Variants in CFAP298 observed in about 807,000 individuals in gnomAD.
CFAP298 encodes cilia- and flagella-associated protein 298.
In CFAP298, 38 loss-of-function variants were observed where a neutral mutation model predicts 41.0. That is an observed-to-expected ratio of 0.93 (90% CI 0.72 to 1.22). The LOEUF is 1.22. Ranked by LOEUF, CFAP298 falls within the 50% of genes most tolerant of loss-of-function variation. The pLI is 0.00. For missense variants in CFAP298, 348 were observed against 360.3 expected, an observed-to-expected ratio of 0.97 and a Z score of 0.28; for synonymous variants, 137 against 135.3, an observed-to-expected ratio of 1.01 and a Z score of -0.09.
At position 32,612,278 on chromosome 21, in the gene CFAP298, G is replaced by T. The variant is rs548174592; in HGVS notation, c.-35C>A. The T allele has an allele frequency of 3.5e-6, 5 of 1,421,590 alleles. No homozygotes were observed. Among genetic ancestry groups the T allele is most frequent in the Middle Eastern group, 2.1e-4 (1 of 4,804 alleles). 88.1% of individuals were successfully genotyped at this position (1,421,590 alleles called of 1,614,324 possible). ...GCCGAGGTACTGAGGCGTTGAGAAG[G>T]CCCCGGCTGCGTGGCCCGCGGGTCC... On this transcript the variant is annotated 5_prime_UTR_variant, in exon 1 of 7. Coordinates refer to ENST00000290155, the MANE Select transcript of CFAP298 (RefSeq NM_021254.4).
Position 32,601,800 on chromosome 21 carries a change from A to C in CFAP298, c.*63T>G. 1 of 837,652 alleles carries C rather than the reference A, an allele frequency of 1.2e-6. No homozygotes were observed. Among genetic ancestry groups the C allele is most frequent in the Non-Finnish European group, 1.9e-6 (1 of 515,106 alleles). 51.9% of individuals were successfully genotyped at this position (837,652 alleles called of 1,614,324 possible). On this transcript the variant is annotated 3_prime_UTR_variant, in exon 7 of 7. Transcript: ENST00000290155. ...GTAAGTGGCCTTTTTTTTTTTTTTA[A>C]ATTATAATTGCCTAGGAGAAAGGTG...
At position 32,601,288 on chromosome 21, in the gene CFAP298, C is replaced by CTTT. The variant is rs1158009254; in HGVS notation, c.*572_*574dup. Among the ~76,000 whole-genome samples the CTTT allele has an allele frequency of 1.3e-3, 123 of 92,278 alleles. No individual in the cohort carries two copies. Among genetic ancestry groups the CTTT allele is most frequent in the Non-Finnish European group, 1.5e-3 (74 of 49,296 alleles). The allele number at this position is 92,278 out of a possible 152,430, so 60.5% of individuals were successfully genotyped here. A position where few individuals can be genotyped will look rare whatever the true frequency, so the allele number is the denominator to read the frequency against. On this transcript the variant is annotated 3_prime_UTR_variant, in exon 7 of 7. Transcript: ENST00000290155. ...CAATCAGGAAGAAAAAAAAGTGTAG[C>CTTT]TTTTTTTTTTTTTTTTTTTTTTTTT... is the stretch of plus-strand genomic sequence containing the variant.
chr21:32,602,581 C>T lies in CFAP298; in HGVS notation c.667-214G>A, dbSNP rs766192360. The T allele has an allele frequency of 2.5e-5, 35 of 1,378,486 alleles. No individual in the cohort carries two copies. The South Asian group carries it at 4.4e-4, about 17-fold the overall frequency. 85.4% of individuals were successfully genotyped at this position (1,378,486 alleles called of 1,614,324 possible). A position where few individuals can be genotyped will look rare whatever the true frequency, so the allele number is the denominator to read the frequency against. The stretch of plus-strand genomic sequence containing the variant: ...CACTGTGTGGAGACCAGAGGCTGCA[C>T]GATACCATCTCTGTCTTGACCATTC... On this transcript the variant is annotated intron_variant, in intron 5 of 6. Coordinates refer to ENST00000290155, the MANE Select transcript of CFAP298 (RefSeq NM_021254.4).
Position 32,612,223 on chromosome 21 carries a change from C to G in CFAP298, c.21G>C (p.Lys7Asn), listed in dbSNP as rs998845412. The G allele has an allele frequency of 4.3e-5, 70 of 1,610,426 alleles. No homozygotes were observed. The highest frequency in any genetic ancestry group is 5.3e-5 in the Non-Finnish European group (63 of 1,179,078). Reference sequence around the variant, plus strand: ...GCAGGAACTGGCTCTCGTCGCCCCGCTTCACGTGCAGCAGAACCATGGCGG... The same window carrying G: ...GCAGGAACTGGCTCTCGTCGCCCCGGTTCACGTGCAGCAGAACCATGGCGG... MVLLHV[K>N]RGDESQFLLQ... The change falls in exon 1 of 7, where the codon AAG (lysine) becomes AAC (asparagine). Residue 7 changes from lysine (K) to asparagine (N), a missense_variant. Lys to Asn is a moderately conservative substitution (Grantham distance 94). Transcript: ENST00000290155.
chr21:32,599,738 C>T lies in CFAP298; in HGVS notation c.*2125G>A, dbSNP rs947949944. 1.3e-5 allele frequency among the ~76,000 whole-genome samples: 2 copies of T among 152,278 alleles called. No individual in the cohort carries two copies. The highest frequency in any genetic ancestry group is 2.1e-4 in the South Asian group (1 of 4,826). ...CACAGCACGGTGCCACAGCGGGCAC[C>T]ACCTGCCCCCCGCCGTCACAGATGG... On this transcript the variant is annotated 3_prime_UTR_variant, in exon 7 of 7. Coordinates refer to ENST00000290155, the MANE Select transcript of CFAP298 (RefSeq NM_021254.4).
chr21:32,602,276 A>G lies in CFAP298; in HGVS notation c.758T>C (p.Leu253Pro). Residue 253 changes from leucine (L) to proline (P), a missense_variant, in exon 6 of 7, where the codon CTC becomes CCC. Coordinates refer to ENST00000290155, the MANE Select transcript of CFAP298 (RefSeq NM_021254.4). ...MLYYHRRQEE[L>P]KRLEENDDDA... ...AGCCCATCTGTCCCCTGCTACCTTGAGCTCCTCTTGTCTTCTGTGATAGTA... is the reference window on the plus strand; with the variant it reads ...AGCCCATCTGTCCCCTGCTACCTTGGGCTCCTCTTGTCTTCTGTGATAGTA... 1 of 1,613,944 alleles carries G rather than the reference A, an allele frequency of 6.2e-7. No individual in the cohort carries two copies. Among genetic ancestry groups the G allele is most frequent in the South Asian group, 1.1e-5 (1 of 91,078 alleles).
chr21:32,608,883 G>A (rs1389925621), intron 2 of CFAP298, among the ~76,000 whole-genome samples: 2 of 152,046 alleles, frequency 1.3e-5, no homozygotes, highest in African/African-American at 2.4e-5. Context: ...ATGTATTTTT[G>A]AGCTGCTAAA....
intron 4 of CFAP298, among the ~76,000 whole-genome samples, chr21:32,603,559 A>C (rs2038801615): frequency 6.6e-6 from 1 of 152,238 alleles, no homozygotes; most frequent in Admixed American, 6.5e-5. Context: ...AGTTCGTCTT[A>C]GACAGATCTG....
At chr21:32,605,621 T>C (rs1000721543) in intron 3 of CFAP298, among the ~76,000 whole-genome samples, 2 of 152,210 alleles carry the variant, frequency 1.3e-5, no homozygotes, top group Non-Finnish European at 2.9e-5. Flanking sequence ...GGTGAAGACG[T>C]TGATGTGCCG....
chr21:32,604,545 C>G, intron 3 of CFAP298: 1 of 445,908 alleles, frequency 2.2e-6, no homozygotes, highest in Non-Finnish European at 4.1e-6. Context: ...GAGCCCAATG[C>G]TGGCAGCACA....
chr21:32,602,980 T>A (rs771877888), intron 5 of CFAP298, 181 bp downstream of exon 5: 8 of 1,026,308 alleles, frequency 7.8e-6, no homozygotes, highest in Non-Finnish European at 1.1e-5. Flanking sequence ...TGGTACTCAA[T>A]CCATATTTTC....
chr21:32,609,184 A>T (rs1283547320), intron 2 of CFAP298, among the ~76,000 whole-genome samples: 1 of 152,132 alleles, frequency 6.6e-6, no homozygotes, highest in Non-Finnish European at 1.5e-5. Context: ...AGATCCCCCA[A>T]CATTTGCGAA....
At position 32,603,304 on chromosome 21, in the gene CFAP298, CG is replaced by C. The variant is rs1568991958; in HGVS notation, c.535-13del. On this transcript the variant is annotated splice_polypyrimidine_tract_variant and intron_variant, in intron 4 of 6. Coordinates refer to ENST00000290155, the MANE Select transcript of CFAP298 (RefSeq NM_021254.4). ...ACGTTGAGCCCTGCCTGGGGCCAGT[CG>C]TAAGAATGGCTTGACTGTGTGTTCC... The C allele has an allele frequency of 2.5e-6, 4 of 1,613,760 alleles. No individual in the cohort carries two copies. The Admixed American group carries it at 6.7e-5, about 27-fold the overall frequency.
At position 32,600,159 on chromosome 21, in the gene CFAP298, T is replaced by C. The variant is rs551127209; in HGVS notation, c.*1704A>G. 4.6e-5 allele frequency among the ~76,000 whole-genome samples: 7 copies of C among 152,334 alleles called. No homozygotes were observed. Among genetic ancestry groups the C allele is most frequent in the Non-Finnish European group, 8.8e-5 (6 of 68,030 alleles). Reference sequence around the variant, plus strand: ...CCTGAAATAAAATCACAGCATCTTATTGCATATACTACATCATCCAAGGTC... The same window carrying C: ...CCTGAAATAAAATCACAGCATCTTACTGCATATACTACATCATCCAAGGTC... On this transcript the variant is annotated 3_prime_UTR_variant, in exon 7 of 7. Transcript: ENST00000290155.
At chr21:32,610,103 C>T (rs1291553368) in intron 1 of CFAP298, 98 bp from the exon 2 acceptor site, 3 of 1,111,060 alleles carry the variant, frequency 2.7e-6, no homozygotes, top group Non-Finnish European at 3.8e-6. Context: ...ATCTGGCTCA[C>T]TATTTTATGG....
intron 5 of CFAP298, 184 bp from the exon 6 acceptor site, chr21:32,602,551 ACT>A: frequency 1.4e-6 from 2 of 1,413,050 alleles, no homozygotes; most frequent in Non-Finnish European, 1.8e-6. Context: ...TGAGCCCTGG[ACT>A]CTCACTGTGT....
rs2038733255 is a variant in CFAP298 at position 32,601,392 on chromosome 21, G to C, written c.*471C>G. On this transcript the variant is annotated 3_prime_UTR_variant, in exon 7 of 7. Transcript: ENST00000290155. ...GGCTCACTGTAAGCTCCACCTCCCGGGTTCACGCCATTCTCCTGCCTCAGC... is the reference window on the plus strand; with the variant it reads ...GGCTCACTGTAAGCTCCACCTCCCGCGTTCACGCCATTCTCCTGCCTCAGC... 6.7e-6 allele frequency among the ~76,000 whole-genome samples: 1 copy of C among 149,820 alleles called. No individual in the cohort carries two copies. The highest frequency in any genetic ancestry group is 2.1e-4 in the South Asian group (1 of 4,706).
intron 4 of CFAP298, 117 bp from the exon 5 acceptor site, chr21:32,603,409 G>C (rs1257563476): frequency 1.8e-6 from 2 of 1,086,978 alleles, no homozygotes; most frequent in African/African-American, 1.6e-5. Context: ...CACCATGGGA[G>C]GCCTGACTCC....
intron 2 of CFAP298, among the ~76,000 whole-genome samples, chr21:32,608,534 G>C (rs2038918954): frequency 6.6e-6 from 1 of 151,734 alleles, no homozygotes; most frequent in Non-Finnish European, 1.5e-5. Flanking sequence ...GCAGGCATGT[G>C]TAATCCCAGC....
Sources: allele counts gnomAD v4.1 joint callset (sites outside exome capture counted in the v4.1 genomes callset), GRCh38; gene constraint gnomAD v4.1.1; transcripts MANE v1.5; gene names NCBI Gene and HGNC (gene_info 2026-07-23, HGNC 2026-07-21).